MYO3B: variants seen among roughly 807,000 people sequenced by gnomAD.
MYO3B encodes the protein myosin-IIIb.
A neutral mutation model predicts 174.6 loss-of-function variants in MYO3B; 156 were observed. That is an observed-to-expected ratio of 0.89 (90% CI 0.78 to 1.02). The LOEUF is 1.02. Ranked by LOEUF, MYO3B falls within the 50% of genes least tolerant of loss-of-function variation. The probability of loss-of-function intolerance (pLI) is 0.00; values close to 1 mark genes in which losing one functional copy is unlikely to be tolerated. For missense variants in MYO3B, 1,632 were observed against 1,639.4 expected (o/e 1.00, Z 0.08); for synonymous variants, 563 against 569.1 (o/e 0.99, Z 0.15).
At chr2:170,634,803 A>T (rs1697326202) in intron 32 of MYO3B, among the ~76,000 whole-genome samples, 2 of 152,262 alleles carry the variant, frequency 1.3e-5, no homozygotes, top group South Asian at 4.1e-4. Flanking sequence ...AAAGTGGGCA[A>T]AGGATATGAA....
intron 7 of MYO3B, among the ~76,000 whole-genome samples, chr2:170,328,107 G>T (rs994948727): frequency 1.3e-5 from 2 of 151,854 alleles, no homozygotes; most frequent in Non-Finnish European, 2.9e-5. Context: ...TTGTTGTATT[G>T]CCCAGGCTGA....
chr2:170,254,211 A>G (rs2093282742), intron 7 of MYO3B, among the ~76,000 whole-genome samples: 1 of 152,166 alleles, frequency 6.6e-6, no homozygotes, highest in Non-Finnish European at 1.5e-5. Flanking sequence ...AGATCCCATG[A>G]TCCCTATAGA....
At position 170,400,168 on chromosome 2, in the gene MYO3B, G is replaced by A. The variant is rs1558962184; in HGVS notation, c.1792-20G>A. The A allele has an allele frequency of 6.2e-7, 1 of 1,613,894 alleles. No individual in the cohort carries two copies. Among genetic ancestry groups the A allele is most frequent in the Admixed American group, 1.7e-5 (1 of 60,016 alleles). On this transcript the variant is annotated intron_variant, in intron 16 of 34. Coordinates refer to ENST00000408978, the MANE Select transcript of MYO3B (RefSeq NM_138995.5). ...TGACTGGCAATGACCTTCATATATG[G>A]TTCTTGATGTCCTTTTCAGGAGGTG...
chr2:170,332,584 G>T (rs114935099), intron 7 of MYO3B, among the ~76,000 whole-genome samples: 1 of 152,280 alleles, frequency 6.6e-6, no homozygotes, highest in African/African-American at 2.4e-5. Context: ...TCTTTCACAA[G>T]ATCTTGCTTT....
chr2:170,387,152 T>C lies in MYO3B; in HGVS notation c.1421T>C (p.Leu474Pro), dbSNP rs761151802. The C allele has an allele frequency of 6.2e-7, 1 of 1,614,108 alleles. No individual in the cohort carries two copies. The highest frequency in any genetic ancestry group is 8.5e-7 in the Non-Finnish European group (1 of 1,179,960). Residue 474 changes from leucine (L) to proline (P), a missense_variant, in exon 14 of 35, where the codon CTG (leucine) becomes CCG (proline). Coordinates refer to ENST00000408978, the MANE Select transcript of MYO3B (RefSeq NM_138995.5). ...LREKILQVNS[L>P]VEAFGNSCTA... Reference sequence around the variant, plus strand: ...GAGAAAATTCTACAAGTCAACTCCCTGGTGGAAGCCTTTGGGAACTCATGC... The same window carrying C: ...GAGAAAATTCTACAAGTCAACTCCCCGGTGGAAGCCTTTGGGAACTCATGC...
chr2:170,649,175 T>A (rs1320292042), intron 32 of MYO3B, among the ~76,000 whole-genome samples: 1 of 73,064 alleles, frequency 1.4e-5, no homozygotes, highest in Non-Finnish European at 2.3e-5. Context: ...TATAATATAT[T>A]ATATATAAAA....
rs369465832 is a variant in MYO3B, at chr2:170,287,753, T to C, written c.750-47632T>C. Among the ~76,000 whole-genome samples the C allele has an allele frequency of 2.2e-4, 34 of 152,246 alleles. 1 individual carries two copies. The highest frequency in any genetic ancestry group is 7.5e-4 in the African/African-American group (31 of 41,576). On this transcript the variant is annotated intron_variant, in intron 7 of 34. Coordinates refer to ENST00000408978, the MANE Select transcript of MYO3B (RefSeq NM_138995.5). The stretch of plus-strand genomic sequence containing the variant: ...TAATCCCATTTGTTTATTTTTGCTT[T>C]GGTTGCCTGTGCTTATGATGTCTTA...
intron 22 of MYO3B, among the ~76,000 whole-genome samples, chr2:170,418,626 A>G (rs955588261): frequency 2.0e-5 from 3 of 152,184 alleles, no homozygotes; most frequent in Non-Finnish European, 4.4e-5. Context: ...AATAAGGCCC[A>G]TGATGAGAAC....
At chr2:170,574,647 G>A (rs1394095560) in intron 32 of MYO3B, among the ~76,000 whole-genome samples, 1 of 152,158 alleles carries the variant, frequency 6.6e-6, no homozygotes, top group African/African-American at 2.4e-5. Flanking sequence ...AAAAAGGACA[G>A]TTATGGTGAG....
chr2:170,381,959 G>A (rs527363597), intron 9 of MYO3B, 57 bp from the exon 10 acceptor site: 227 of 1,437,020 alleles, frequency 1.6e-4, no homozygotes, highest in Non-Finnish European at 2.0e-4. Context: ...CTTGCTGCCC[G>A]CTTTCTGCTA....
chr2:170,532,026 A>G (rs975940685), intron 30 of MYO3B, among the ~76,000 whole-genome samples: 17 of 152,348 alleles, frequency 1.1e-4, no homozygotes, highest in Non-Finnish European at 2.1e-4. Context: ...TTACAAAAGG[A>G]CAGTGAAGAA....
At chr2:170,632,769 C>G (rs1051511733) in intron 32 of MYO3B, among the ~76,000 whole-genome samples, 1 of 152,006 alleles carries the variant, frequency 6.6e-6, no homozygotes, top group African/African-American at 2.4e-5. Context: ...AGAGAAGAAT[C>G]AAATAGACAT....
At chr2:170,473,056 TTTAA>T (rs1447147557) in intron 25 of MYO3B, among the ~76,000 whole-genome samples, 4 of 152,190 alleles carry the variant, frequency 2.6e-5, no homozygotes, top group African/African-American at 9.6e-5. Context: ...GAATTCAGTG[TTTAA>T]TTAATATTTG....
intron 23 of MYO3B, among the ~76,000 whole-genome samples, chr2:170,445,602 A>G (rs1033675367): frequency 1.3e-5 from 2 of 151,290 alleles, no homozygotes; most frequent in Non-Finnish European, 2.9e-5. Context: ...GGGCCTCCCC[A>G]AGTGCTGGAT....
In MYO3B at chr2:170,655,054, A is replaced by ATTG. The variant is rs2105524216; in HGVS notation, c.*1937_*1939dup. ...TTTGATAATATGAGCTGCTTTTCAAATTGTTGAATGGAAATGTTCATAACT... is the reference window on the plus strand; with the variant it reads ...TTTGATAATATGAGCTGCTTTTCAAATTGTTGTTGAATGGAAATGTTCATAACT... On this transcript the variant is annotated 3_prime_UTR_variant, in exon 35 of 35. Transcript: ENST00000408978. 1 of 152,262 alleles carries ATTG rather than the reference A, an allele frequency of 6.6e-6. No homozygotes were observed. The highest frequency in any genetic ancestry group is 2.1e-4 in the South Asian group (1 of 4,822). 9.4% of individuals were successfully genotyped at this position (152,262 alleles called of 1,614,324 possible).
intron 32 of MYO3B, among the ~76,000 whole-genome samples, chr2:170,590,666 G>C (rs1388046415): frequency 1.5e-5 from 2 of 133,660 alleles, no homozygotes; most frequent in Admixed American, 7.7e-5. Flanking sequence ...CTTCCTTTTT[G>C]TATTTTCCTG....
chr2:170,597,832 T>G (rs1376783591), intron 32 of MYO3B, among the ~76,000 whole-genome samples: 4 of 152,180 alleles, frequency 2.6e-5, no homozygotes, highest in Non-Finnish European at 2.9e-5. Context: ...ACTAAAAAGC[T>G]TCACATTCTA....
chr2:170,635,019 G>T (rs924204474), intron 32 of MYO3B, among the ~76,000 whole-genome samples: 1 of 152,230 alleles, frequency 6.6e-6, no homozygotes, highest in African/African-American at 2.4e-5. Context: ...TGGTGGGAGT[G>T]CAAACTAGTT....
At chr2:170,440,574 TCATTTTTAGTGTATAAAAATG>T (rs1478793101) in intron 22 of MYO3B, among the ~76,000 whole-genome samples, 1 of 152,026 alleles carries the variant, frequency 6.6e-6, no homozygotes. Flanking sequence ...TTTGAATAGT[TCATTTTTAGTGTATAAAAATG>T]CAACTGAATT....
Sources: gnomAD v4.1 joint callset for allele counts (sites outside exome capture counted in the v4.1 genomes callset) on GRCh38, gnomAD v4.1.1 for gene constraint, MANE v1.5 for transcripts, NCBI Gene and HGNC (gene_info 2026-07-23, HGNC 2026-07-21) for gene names.